ELAVL1: variants seen among roughly 807,000 people sequenced by gnomAD.
ELAVL1 encodes ELAV like RNA binding protein 1.
Under a neutral mutation model 28.4 loss-of-function variants are expected in ELAVL1, and 1 was observed. The ratio of observed to expected loss-of-function variants is 0.04; its 90% confidence interval spans 0.01 to 0.17. The LOEUF (loss-of-function observed/expected upper bound fraction) is 0.17, where lower values mean the gene tolerates loss of function less well. Among genes scored for constraint, ELAVL1 ranks in the 10% least tolerant of loss-of-function variants. The probability of loss-of-function intolerance (pLI) is 1.00; values close to 1 mark genes in which losing one functional copy is unlikely to be tolerated. For synonymous variants in ELAVL1, 174 were observed against 183.5 expected (o/e 0.95, Z 0.42); for missense variants, 157 against 447.2 (o/e 0.35, Z 5.85).
chr19:7,963,364 A>G lies in ELAVL1; in HGVS notation c.*119T>C. 3.2e-6 allele frequency: 4 copies of G among 1,239,500 alleles called. No homozygotes were observed. The highest frequency in any genetic ancestry group is 4.4e-6 in the Non-Finnish European group (4 of 899,204). 76.8% of individuals were successfully genotyped at this position (1,239,500 alleles called of 1,614,324 possible). ...GAGTATAAAAACCTTCTCACTTCTC[A>G]TTCAGACAAAGACAAACACTTGTGA... On this transcript the variant is annotated 3_prime_UTR_variant, in exon 6 of 6. Coordinates refer to ENST00000407627, the MANE Select transcript of ELAVL1 (RefSeq NM_001419.3). The surrounding 1 kb of genome is among the most constrained non-coding windows in gnomAD (Gnocchi z 4.5).
rs964709519 is a variant in ELAVL1, at chr19:7,982,608, T to C, written c.173-1422A>G. ...AAGTTCCCATATGGCCCCCTCCCAG[T>C]TTCCCCTATGGGTACCACCGCAAGT... On this transcript the variant is annotated intron_variant, in intron 2 of 5. Transcript: ENST00000407627. This position sits in a 1 kb window ranked among gnomAD's most constrained non-coding sequence, Gnocchi z 4.3. Among the ~76,000 whole-genome samples the C allele has an allele frequency of 4.6e-5, 7 of 152,186 alleles. No individual in the cohort carries two copies. The highest frequency in any genetic ancestry group is 1.7e-4 in the African/African-American group (7 of 41,450).
At chr19:7,994,660 T>C (rs551054224) in intron 1 of ELAVL1, among the ~76,000 whole-genome samples, 3 of 152,338 alleles carry the variant, frequency 2.0e-5, no homozygotes, top group South Asian at 4.1e-4. Context: ...CAAGATCACC[T>C]GCTACTGATC....
At chr19:7,966,280 G>T (rs1182528404) in intron 5 of ELAVL1, among the ~76,000 whole-genome samples, 2 of 152,118 alleles carry the variant, frequency 1.3e-5, no homozygotes, top group Non-Finnish European at 2.9e-5. Flanking sequence ...AAACAGCCCT[G>T]ACACTGAGAC....
At chr19:7,971,768 G>C (rs567566577) in intron 4 of ELAVL1, among the ~76,000 whole-genome samples, 3 of 152,322 alleles carry the variant, frequency 2.0e-5, no homozygotes, top group East Asian at 3.9e-4. Context: ...TCCCCTCCTC[G>C]GGCCCCAGCG....
chr19:8,002,777 A>G (rs1461673206), intron 1 of ELAVL1, among the ~76,000 whole-genome samples: 1 of 152,064 alleles, frequency 6.6e-6, no homozygotes, highest in Non-Finnish European at 1.5e-5. Flanking sequence ...ATCTGTCTCC[A>G]GGTGGAGGCT....
chr19:7,991,136 T>C (rs923853350), intron 2 of ELAVL1, among the ~76,000 whole-genome samples: 2 of 152,146 alleles, frequency 1.3e-5, no homozygotes, highest in African/African-American at 4.8e-5. Context: ...AAGTTGATGG[T>C]GTTGACAGTA....
chr19:8,004,949 T>C (rs1424399449), intron 1 of ELAVL1, among the ~76,000 whole-genome samples: 1 of 151,924 alleles, frequency 6.6e-6, no homozygotes, highest in African/African-American at 2.4e-5. Flanking sequence ...TTGTTAGAGA[T>C]GGCGCTCAAA....
intron 3 of ELAVL1, among the ~76,000 whole-genome samples, chr19:7,977,619 T>C (rs919699668): frequency 1.3e-5 from 2 of 152,338 alleles, no homozygotes; most frequent in Non-Finnish European, 2.9e-5. Flanking sequence ...CCACTGTGGC[T>C]GCCTGGGCTG....
intron 1 of ELAVL1, among the ~76,000 whole-genome samples, chr19:7,993,591 T>C (rs1481758142): frequency 2.0e-5 from 3 of 152,232 alleles, no homozygotes; most frequent in African/African-American, 7.2e-5. Flanking sequence ...TCCAGATCAA[T>C]GCGGCCAAGT....
intron 3 of ELAVL1, among the ~76,000 whole-genome samples, chr19:7,980,200 G>A (rs1178012308): frequency 1.3e-5 from 2 of 152,138 alleles, no homozygotes; most frequent in Admixed American, 6.5e-5. Context: ...TTGTGAAGGC[G>A]GGCACTGAGG....
intron 1 of ELAVL1, among the ~76,000 whole-genome samples, chr19:7,994,228 GCCC>G (rs1568316560): frequency 1.3e-5 from 2 of 151,992 alleles, no homozygotes; most frequent in African/African-American, 4.8e-5. Flanking sequence ...GGGCCATTCT[GCCC>G]CCAAGGGGAC....
chr19:7,991,797 C>A lies in ELAVL1; in HGVS notation c.19G>T (p.Asp7Tyr). 6.2e-7 allele frequency: 1 copy of A among 1,611,432 alleles called. No individual in the cohort carries two copies. Among genetic ancestry groups the A allele is most frequent in the Non-Finnish European group, 8.5e-7 (1 of 1,179,118 alleles). ...CCCCTGCAGTCTTCGGCCATGTGGT[C>A]TTCATAACCATTAGACATTGTATTT... Reference protein sequence around the residue: MSNGYEDHMAEDCRGDI... With the variant: MSNGYEYHMAEDCRGDI... The change falls in exon 2 of 6, where the codon GAC becomes TAC. Residue 7 changes from aspartate (D) to tyrosine (Y), a missense_variant. Coordinates refer to ENST00000407627, the MANE Select transcript of ELAVL1 (RefSeq NM_001419.3).
chr19:7,973,718 C>T lies in ELAVL1; in HGVS notation c.430+7G>A. On this transcript the variant is annotated splice_region_variant and intron_variant, in intron 4 of 5. Transcript: ENST00000407627. ...CCCTCCCCACGCGTCTGGGGCCCCT[C>T]TGGTACCTGTAGTCTGATCCACGAG... 1.2e-6 allele frequency: 2 copies of T among 1,612,704 alleles called. No homozygotes were observed. Among genetic ancestry groups the T allele is most frequent in the Non-Finnish European group, 1.7e-6 (2 of 1,178,902 alleles).
intron 3 of ELAVL1, among the ~76,000 whole-genome samples, chr19:7,975,924 C>G (rs1306396857): frequency 6.6e-6 from 1 of 151,816 alleles, no homozygotes; most frequent in African/African-American, 2.4e-5. Flanking sequence ...CATGGCAAGA[C>G]CCCATCTCTA....
intron 2 of ELAVL1, among the ~76,000 whole-genome samples, chr19:7,984,053 C>T (rs1266184412): frequency 6.6e-6 from 1 of 152,132 alleles, no homozygotes; most frequent in Non-Finnish European, 1.5e-5. Flanking sequence ...CACCTTTGGC[C>T]CTTGTCTCTG....
At chr19:7,988,718 C>T (rs1985670494) in intron 2 of ELAVL1, among the ~76,000 whole-genome samples, 1 of 152,206 alleles carries the variant, frequency 6.6e-6, no homozygotes. Context: ...TGGGTGGAGG[C>T]CAGGGATGCT....
chr19:7,992,837 T>C (rs986526662), intron 1 of ELAVL1, among the ~76,000 whole-genome samples: 9 of 152,154 alleles, frequency 5.9e-5, no homozygotes, highest in African/African-American at 1.7e-4. Context: ...GGCGGCGCCA[T>C]CACAGCTCAC....
Position 7,962,182 on chromosome 19 carries a change from T to C in ELAVL1, c.*1301A>G, listed in dbSNP as rs938105077. Reference sequence around the variant, plus strand: ...TTGCTTGAGGCAAGGATTGGTTTCTTAAGATCTTACGACTCCTCCCTGAAT... The same window carrying C: ...TTGCTTGAGGCAAGGATTGGTTTCTCAAGATCTTACGACTCCTCCCTGAAT... On this transcript the variant is annotated 3_prime_UTR_variant, in exon 6 of 6. Coordinates refer to ENST00000407627, the MANE Select transcript of ELAVL1 (RefSeq NM_001419.3). 1.3e-5 allele frequency: 2 copies of C among 153,750 alleles called. No individual in the cohort carries two copies. Among genetic ancestry groups the C allele is most frequent in the Non-Finnish European group, 2.9e-5 (2 of 68,044 alleles). The allele number at this position is 153,750 out of a possible 1,614,324, so 9.5% of individuals were successfully genotyped here. A position where few individuals can be genotyped will look rare whatever the true frequency, so the allele number is the denominator to read the frequency against.
intron 3 of ELAVL1, 146 bp downstream of exon 3, chr19:7,980,937 T>C: frequency 1.3e-6 from 1 of 788,286 alleles, no homozygotes; most frequent in South Asian, 1.6e-5. Flanking sequence ...CTGGGTCAGA[T>C]ACACCTGACC....
Sources: allele counts gnomAD v4.1 joint callset (sites outside exome capture counted in the v4.1 genomes callset), GRCh38; gene constraint gnomAD v4.1.1; non-coding constraint Gnocchi (gnomAD v3.1); transcripts MANE v1.5; gene names NCBI Gene and HGNC (gene_info 2026-07-23, HGNC 2026-07-21).